UBR1: variants seen among roughly 807,000 people sequenced by gnomAD.
UBR1 encodes the protein E3 ubiquitin-protein ligase UBR1.
UBR1 carries 102 observed loss-of-function variants against 242.1 expected under a neutral mutation model. The ratio of observed to expected loss-of-function variants is 0.42; its 90% confidence interval spans 0.36 to 0.50. The LOEUF is 0.50. UBR1 is among the 20% of genes least tolerant of loss of function. UBR1 has a pLI of 0.01. For synonymous variants in UBR1, 675 were observed against 684.8 expected, an observed-to-expected ratio of 0.99 and a Z score of 0.22; for missense variants, 1,772 against 2,101.8, an observed-to-expected ratio of 0.84 and a Z score of 3.07.
Position 42,947,966 on chromosome 15 carries a change from T to C in UBR1, c.5108+2296A>G, listed in dbSNP as rs1356075349. Reference sequence around the variant, plus strand: ...GTTCATATGGAACCAAAAAAGAGCCTGCATTGCCAAGTCAATCCTAAGCCA... The same window carrying C: ...GTTCATATGGAACCAAAAAAGAGCCCGCATTGCCAAGTCAATCCTAAGCCA... On this transcript the variant is annotated intron_variant, in intron 46 of 46. Coordinates refer to ENST00000290650, the MANE Select transcript of UBR1 (RefSeq NM_174916.3). Among the ~76,000 whole-genome samples, 62 of 152,218 alleles carry C rather than the reference T, an allele frequency of 4.1e-4. 1 individual carries two copies. Among genetic ancestry groups the C allele is most frequent in the Admixed American group, 1.7e-3 (26 of 15,282 alleles).
chr15:43,093,836 G>C (rs779365125), intron 1 of UBR1, among the ~76,000 whole-genome samples: 1 of 144,520 alleles, frequency 6.9e-6, no homozygotes, highest in Admixed American at 6.9e-5. Flanking sequence ...TCATAACTAA[G>C]CTAAAATCTA....
At chr15:43,076,150 T>TG (rs1376705197) in intron 3 of UBR1, among the ~76,000 whole-genome samples, 2 of 151,028 alleles carry the variant, frequency 1.3e-5, no homozygotes, top group Non-Finnish European at 3.0e-5. Context: ...GGTTTTCGTT[T>TG]TTTTTTTTTT....
intron 12 of UBR1, among the ~76,000 whole-genome samples, chr15:43,050,476 G>A (rs2033541117): frequency 6.6e-6 from 1 of 152,162 alleles, no homozygotes. Flanking sequence ...TTAAGAGGCC[G>A]AGGTGGGCAG....
chr15:43,038,138 A>G (rs1014678073), intron 16 of UBR1, 33 bp downstream of exon 16: 2 of 1,608,302 alleles, frequency 1.2e-6, no homozygotes, highest in Admixed American at 3.3e-5. Flanking sequence ...GAAACAGAAT[A>G]TAAGCAAATC....
At chr15:42,992,336 T>C (rs889329099) in intron 33 of UBR1, among the ~76,000 whole-genome samples, 3 of 152,240 alleles carry the variant, frequency 2.0e-5, no homozygotes, top group Non-Finnish European at 2.9e-5. Context: ...CAAGTAATTC[T>C]GGATATTATC....
At chr15:42,981,973 G>C (rs917593088) in intron 37 of UBR1, among the ~76,000 whole-genome samples, 1 of 152,116 alleles carries the variant, frequency 6.6e-6, no homozygotes, top group African/African-American at 2.4e-5. Context: ...AATTCCTCCA[G>C]TATTGCTAAT....
intron 12 of UBR1, among the ~76,000 whole-genome samples, chr15:43,049,166 C>T (rs2033521654): frequency 1.3e-5 from 2 of 152,136 alleles, no homozygotes; most frequent in South Asian, 2.1e-4. Flanking sequence ...TGTTATATTG[C>T]AGGTGTTGGG....
intron 15 of UBR1, among the ~76,000 whole-genome samples, chr15:43,041,118 A>G (rs1164054623): frequency 3.9e-5 from 6 of 152,248 alleles, no homozygotes; most frequent in Non-Finnish European, 7.3e-5. Context: ...ATTATAAATC[A>G]TGCTGCTATA....
intron 46 of UBR1, among the ~76,000 whole-genome samples, chr15:42,948,171 G>A (rs541904756): frequency 6.6e-6 from 1 of 152,274 alleles, no homozygotes; most frequent in East Asian, 1.9e-4. Context: ...AGAAAAACAA[G>A]CAATGGGGAA....
chr15:43,043,694 ACCTTGACCT>A (rs2033448979), intron 14 of UBR1, among the ~76,000 whole-genome samples: 1 of 152,138 alleles, frequency 6.6e-6, no homozygotes, highest in Admixed American at 6.6e-5. Context: ...TGGTTCACCC[ACCTTGACCT>A]CCCAAAGTGC....
At chr15:42,959,512 A>G (rs1179382136) in intron 43 of UBR1, among the ~76,000 whole-genome samples, 1 of 152,180 alleles carries the variant, frequency 6.6e-6, no homozygotes, top group Non-Finnish European at 1.5e-5. Flanking sequence ...TTTTATGTTC[A>G]TAACTAGATT....
In UBR1 at chr15:42,989,962, C is replaced by G. The variant is rs1044665298; in HGVS notation, c.3848+68G>C. 8 of 1,093,964 alleles carry G rather than the reference C, an allele frequency of 7.3e-6. No individual in the cohort carries two copies. The African/African-American group carries it at 7.8e-5, about 11-fold the overall frequency. 67.8% of individuals were successfully genotyped at this position (1,093,964 alleles called of 1,614,324 possible). A position where few individuals can be genotyped will look rare whatever the true frequency, so the allele number is the denominator to read the frequency against. On this transcript the variant is annotated intron_variant, in intron 34 of 46. Coordinates refer to ENST00000290650, the MANE Select transcript of UBR1 (RefSeq NM_174916.3). Reference sequence around the variant, plus strand: ...ATAAAAAAGTAAGGAAAGATGGAAGCCTACACTGTTTCCTACTCTTATTTT... The same window carrying G: ...ATAAAAAAGTAAGGAAAGATGGAAGGCTACACTGTTTCCTACTCTTATTTT...
chr15:43,010,679 CTA>C (rs1426994890), intron 29 of UBR1, among the ~76,000 whole-genome samples: 2 of 151,838 alleles, frequency 1.3e-5, no homozygotes, highest in Non-Finnish European at 2.9e-5. Flanking sequence ...GGAAATATAA[CTA>C]TGTAATTTGG....
At chr15:43,033,831 C>T (rs946972829) in intron 19 of UBR1, among the ~76,000 whole-genome samples, 3 of 151,928 alleles carry the variant, frequency 2.0e-5, no homozygotes, top group African/African-American at 7.3e-5. Context: ...TGGCTGGGCA[C>T]GGTGGCTCAC....
chr15:42,964,531 T>C (rs949980535), intron 41 of UBR1, among the ~76,000 whole-genome samples: 1 of 152,116 alleles, frequency 6.6e-6, no homozygotes, highest in African/African-American at 2.4e-5. Flanking sequence ...GTCACAGTGA[T>C]TTTTTTAAAA....
intron 45 of UBR1, chr15:42,950,636 C>T (rs147565830): frequency 6.1e-4 from 258 of 426,048 alleles, no homozygotes; most frequent in African/African-American, 4.9e-3. Flanking sequence ...AGGAAACTGT[C>T]CTACTTCAGC....
Position 43,043,293 on chromosome 15 carries a change from G to A in UBR1, c.1771C>T (p.His591Tyr). 6.2e-7 allele frequency: 1 copy of A among 1,613,946 alleles called. No individual in the cohort carries two copies. Among genetic ancestry groups the A allele is most frequent in the Non-Finnish European group, 8.5e-7 (1 of 1,179,986 alleles). Residue 591 changes from histidine to tyrosine, a missense_variant, in exon 15 of 47, where the codon CAT becomes TAT. Transcript: ENST00000290650. Reference protein sequence around the residue: ...SSKTVVQSCGHSLETKSYRVS... With the variant: ...SSKTVVQSCGYSLETKSYRVS... ...CTGTAGGACTTTGTTTCCAAACTAT[G>A]TCCACACGATTGTACTACTGTCTTG...
intron 1 of UBR1, among the ~76,000 whole-genome samples, chr15:43,100,844 T>C (rs2034225017): frequency 1.3e-5 from 2 of 152,056 alleles, no homozygotes; most frequent in African/African-American, 4.8e-5. Context: ...AAAAAAAAGA[T>C]GCATCAATGA....
chr15:43,042,220 T>A (rs2033428682), intron 15 of UBR1, among the ~76,000 whole-genome samples: 1 of 152,184 alleles, frequency 6.6e-6, no homozygotes, highest in Non-Finnish European at 1.5e-5. Flanking sequence ...CTTGAAGAGA[T>A]ACTTCTACAT....
Sources: allele counts gnomAD v4.1 joint callset (sites outside exome capture counted in the v4.1 genomes callset), GRCh38; gene constraint gnomAD v4.1.1; transcripts MANE v1.5; gene names NCBI Gene and HGNC (gene_info 2026-07-23, HGNC 2026-07-21).